Variants in BCAT1 observed in about 807,000 individuals in gnomAD.
BCAT1 encodes the protein branched chain amino acid transaminase 1, also known as branched-chain-amino-acid aminotransferase, cytosolic.
In BCAT1, 48 loss-of-function variants were observed where a neutral mutation model predicts 52.4. That is an observed-to-expected ratio of 0.92 (90% CI 0.73 to 1.16). The LOEUF is 1.16. Among genes scored for constraint, BCAT1 ranks in the 50% most tolerant of loss-of-function variants. BCAT1 has a pLI of 0.00. For missense variants in BCAT1, 451 were observed against 457.1 expected, an observed-to-expected ratio of 0.99 and a Z score of 0.12; for synonymous variants, 167 against 161.3, an observed-to-expected ratio of 1.04 and a Z score of -0.27.
chr12:24,935,704 G>C (rs887218838), intron 1 of BCAT1, among the ~76,000 whole-genome samples: 2 of 152,138 alleles, frequency 1.3e-5, no homozygotes, highest in Non-Finnish European at 2.9e-5. Flanking sequence ...AACAGCAAGA[G>C]AAAACCAGGC....
intron 5 of BCAT1, among the ~76,000 whole-genome samples, chr12:24,856,454 C>T (rs909675603): frequency 7.9e-5 from 12 of 152,086 alleles, no homozygotes; most frequent in African/African-American, 2.7e-4. Flanking sequence ...GGACATCGGG[C>T]CTTTAAAGAG....
intron 6 of BCAT1, among the ~76,000 whole-genome samples, chr12:24,845,459 A>G (rs1351819812): frequency 6.6e-6 from 1 of 152,218 alleles, no homozygotes; most frequent in Non-Finnish European, 1.5e-5. Context: ...TAAATAGATA[A>G]CTGAGTTAAA....
At chr12:24,877,435 C>T (rs1335406023) in intron 5 of BCAT1, among the ~76,000 whole-genome samples, 2 of 152,184 alleles carry the variant, frequency 1.3e-5, no homozygotes, top group African/African-American at 4.8e-5. Context: ...GCTCAAAAGG[C>T]CTTGGCCCCT....
chr12:24,895,871 C>T (rs1490021571), intron 2 of BCAT1, among the ~76,000 whole-genome samples: 1 of 152,056 alleles, frequency 6.6e-6, no homozygotes, highest in African/African-American at 2.4e-5. Context: ...CCAAAACAAA[C>T]AGAAAGCTCA....
At chr12:24,917,792 T>C (rs999841643) in intron 1 of BCAT1, among the ~76,000 whole-genome samples, 2 of 152,366 alleles carry the variant, frequency 1.3e-5, no homozygotes, top group Admixed American at 6.5e-5. Context: ...AAAGTTGTTC[T>C]GACAGAGAGA....
At position 24,834,864 on chromosome 12, in the gene BCAT1, T is replaced by C. The variant is rs141704146; in HGVS notation, c.903+1647A>G. The C allele has an allele frequency of 8.9e-4, 830 of 935,660 alleles. 10 individuals carry two copies. In the South Asian group the frequency reaches 0.013, roughly 15 times the overall value. The allele number at this position is 935,660 out of a possible 1,614,324, so 58.0% of individuals were successfully genotyped here. On this transcript the variant is annotated intron_variant, in intron 8 of 10. Transcript: ENST00000261192. ...TAAATAAGCAGAATTGTTTTTGCTCTGCTCACCCTTACTTATCTTTGGACA... is the reference window on the plus strand; with the variant it reads ...TAAATAAGCAGAATTGTTTTTGCTCCGCTCACCCTTACTTATCTTTGGACA...
chr12:24,945,195 C>T (rs1943917295), intron 1 of BCAT1, among the ~76,000 whole-genome samples: 1 of 152,168 alleles, frequency 6.6e-6, no homozygotes, highest in South Asian at 2.1e-4. Flanking sequence ...TTCTCCTTTG[C>T]GTTCACCATT....
At chr12:24,824,706 G>T (rs553842123) in intron 10 of BCAT1, among the ~76,000 whole-genome samples, 6 of 152,062 alleles carry the variant, frequency 3.9e-5, no homozygotes, top group Admixed American at 2.6e-4. Context: ...TGTATAATTT[G>T]TTCAAGAAAA....
intron 10 of BCAT1, among the ~76,000 whole-genome samples, chr12:24,821,864 G>A (rs1237333581): frequency 6.6e-6 from 1 of 152,164 alleles, no homozygotes; most frequent in Non-Finnish European, 1.5e-5. Context: ...ACTGAGCAAA[G>A]GGAATATTCT....
intron 5 of BCAT1, among the ~76,000 whole-genome samples, chr12:24,851,790 A>G (rs1373405387): frequency 6.6e-6 from 1 of 152,204 alleles, no homozygotes; most frequent in Non-Finnish European, 1.5e-5. Context: ...AGCATAATAC[A>G]CACACCCGCT....
In BCAT1 at chr12:24,814,157, G is replaced by T. The variant is rs552019604; in HGVS notation, c.*3851C>A. The T allele has an allele frequency of 6.6e-6, 1 of 152,204 alleles. No homozygotes were observed. Among genetic ancestry groups the T allele is most frequent in the South Asian group, 2.1e-4 (1 of 4,824 alleles). 9.4% of individuals were successfully genotyped at this position (152,204 alleles called of 1,614,324 possible). A position where few individuals can be genotyped will look rare whatever the true frequency, so the allele number is the denominator to read the frequency against. ...TAAAATTACCTGCTAGCATTACTAC[G>T]TATAACTGAAGTTTTTGCATATCCG... is the stretch of plus-strand genomic sequence containing the variant. On this transcript the variant is annotated 3_prime_UTR_variant, in exon 11 of 11. Transcript: ENST00000261192.
At chr12:24,891,948 G>A (rs1003077291) in intron 3 of BCAT1, among the ~76,000 whole-genome samples, 14 of 151,056 alleles carry the variant, frequency 9.3e-5, no homozygotes, top group Admixed American at 5.3e-4. Context: ...TAGTAGAGAT[G>A]GGGTTTCACC....
intron 1 of BCAT1, among the ~76,000 whole-genome samples, chr12:24,917,696 AT>A (rs1943440083): frequency 6.6e-6 from 1 of 152,132 alleles, no homozygotes; most frequent in Non-Finnish European, 1.5e-5. Flanking sequence ...TTCACTTTTT[AT>A]TTTTGGAGTA....
At chr12:24,858,121 C>G (rs989659675) in intron 5 of BCAT1, among the ~76,000 whole-genome samples, 1 of 152,138 alleles carries the variant, frequency 6.6e-6, no homozygotes, top group African/African-American at 2.4e-5. Context: ...CATGTTTTCC[C>G]GGCTCTGTCC....
intron 1 of BCAT1, among the ~76,000 whole-genome samples, chr12:24,948,485 A>C (rs1943969328): frequency 6.6e-6 from 1 of 152,150 alleles, no homozygotes; most frequent in Admixed American, 6.5e-5. Flanking sequence ...CACCCGGGTC[A>C]ACTCTTCCAG....
chr12:24,875,670 G>A (rs1942313572), intron 5 of BCAT1, among the ~76,000 whole-genome samples: 1 of 152,106 alleles, frequency 6.6e-6, no homozygotes. Flanking sequence ...TCTGGAGCTT[G>A]GATTCCATAT....
Position 24,816,548 on chromosome 12 carries a change from A to T in BCAT1, c.*1460T>A, listed in dbSNP as rs1939883082. ...CATTCAAAGAAAAGAGCACCTGCAA[A>T]AACAGAGTATAAAAATCAGAGTATG... On this transcript the variant is annotated 3_prime_UTR_variant, in exon 11 of 11. Coordinates refer to ENST00000261192, the MANE Select transcript of BCAT1 (RefSeq NM_005504.7). The T allele has an allele frequency of 2.5e-6, 1 of 398,020 alleles. No individual in the cohort carries two copies. Among genetic ancestry groups the T allele is most frequent in the Admixed American group, 4.4e-5 (1 of 22,656 alleles). 24.7% of individuals were successfully genotyped at this position (398,020 alleles called of 1,614,324 possible).
rs550076792 is a variant in BCAT1, at chr12:24,902,853, G to A, written c.7-968C>T. Reference sequence around the variant, plus strand: ...GGGCAAGGCGAAGGAGGATGGTGCAGGAAACGGCGACAAGGCGCCCGGCCA... The same window carrying A: ...GGGCAAGGCGAAGGAGGATGGTGCAAGAAACGGCGACAAGGCGCCCGGCCA... On this transcript the variant is annotated intron_variant, in intron 1 of 10. Coordinates refer to ENST00000261192, the MANE Select transcript of BCAT1 (RefSeq NM_005504.7). The A allele has an allele frequency of 9.5e-5, 141 of 1,482,802 alleles. No homozygotes were observed. In the African/African-American group the frequency reaches 1.8e-3, roughly 19 times the overall value. The allele number at this position is 1,482,802 out of a possible 1,614,324, so 91.9% of individuals were successfully genotyped here. A position where few individuals can be genotyped will look rare whatever the true frequency, so the allele number is the denominator to read the frequency against.
intron 3 of BCAT1, among the ~76,000 whole-genome samples, chr12:24,892,905 T>C (rs1052064957): frequency 2.0e-5 from 3 of 152,176 alleles, no homozygotes; most frequent in Admixed American, 6.5e-5. Context: ...TTATACCTTA[T>C]GACATGGTGA....
Sources: allele counts gnomAD v4.1 joint callset (sites outside exome capture counted in the v4.1 genomes callset), GRCh38; gene constraint gnomAD v4.1.1; transcripts MANE v1.5; gene names NCBI Gene and HGNC (gene_info 2026-07-23, HGNC 2026-07-21).